The following MUC22 variants were observed in gnomAD, a reference collection of about 807,000 sequenced individuals.
MUC22 encodes mucin 22, also known as mucin-22.
A neutral mutation model predicts 40.3 loss-of-function variants in MUC22; 24 were observed. The observed-to-expected ratio is 0.60, with a 90% CI of 0.43 to 0.84. The LOEUF (loss-of-function observed/expected upper bound fraction) is 0.84, where lower values mean the gene tolerates loss of function less well. MUC22 is among the 40% of genes least tolerant of loss of function. The pLI is 0.00. For synonymous variants in MUC22, 765 were observed against 844.5 expected, an observed-to-expected ratio of 0.91 and a Z score of 1.63; for missense variants, 1,926 against 2,130.7, an observed-to-expected ratio of 0.90 and a Z score of 1.89.
intron 1 of MUC22, among the ~76,000 whole-genome samples, chr6:31,024,876 T>A (rs1765147392): frequency 6.6e-6 from 1 of 151,804 alleles, no homozygotes; most frequent in African/African-American, 2.4e-5. Context: ...CTTCTTTTTT[T>A]TTTTTTTTTT....
intron 3 of MUC22, 34 bp from the exon 4 acceptor site, chr6:31,034,638 T>C: frequency 6.7e-7 from 1 of 1,501,416 alleles, no homozygotes; most frequent in South Asian, 1.3e-5. Flanking sequence ...AGACTTAATT[T>C]TCATTTATCA....
At chr6:31,021,061 C>G (rs1365542057) in intron 1 of MUC22, among the ~76,000 whole-genome samples, 1 of 152,250 alleles carries the variant, frequency 6.6e-6, no homozygotes, top group Non-Finnish European at 1.5e-5. Flanking sequence ...GCCCCCTGCT[C>G]CAGGGCGCCC....
chr6:31,022,429 T>C (rs1006268015), intron 1 of MUC22, among the ~76,000 whole-genome samples: 2 of 152,036 alleles, frequency 1.3e-5, no homozygotes, highest in East Asian at 1.9e-4. Flanking sequence ...AATGCTGGGA[T>C]TACAGGCGTG....
At chr6:31,015,460 C>A (rs1159233105) in intron 1 of MUC22, among the ~76,000 whole-genome samples, 1 of 152,170 alleles carries the variant, frequency 6.6e-6, no homozygotes, top group Non-Finnish European at 1.5e-5. Flanking sequence ...TGTAGCCCTA[C>A]CTAGCTACAA....
At chr6:31,020,722 G>A (rs1208782833) in intron 1 of MUC22, among the ~76,000 whole-genome samples, 3 of 152,200 alleles carry the variant, frequency 2.0e-5, no homozygotes, top group Non-Finnish European at 4.4e-5. Context: ...AGGTGTGGAG[G>A]GAGAGGTGCG....
At chr6:31,021,094 C>A (rs115084280) in intron 1 of MUC22, among the ~76,000 whole-genome samples, 2 of 152,260 alleles carry the variant, frequency 1.3e-5, no homozygotes, top group African/African-American at 4.8e-5. Context: ...CGCCCACGGG[C>A]TGAGGACTGT....
intron 1 of MUC22, among the ~76,000 whole-genome samples, chr6:31,022,583 A>T (rs1269768669): frequency 6.6e-6 from 1 of 152,168 alleles, no homozygotes; most frequent in Non-Finnish European, 1.5e-5. Context: ...TTAAATTTTA[A>T]AAGATAATAT....
At chr6:31,018,940 C>T (rs888297570) in intron 1 of MUC22, among the ~76,000 whole-genome samples, 2 of 132,936 alleles carry the variant, frequency 1.5e-5, no homozygotes, top group Non-Finnish European at 3.3e-5. Flanking sequence ...CTTGGTCCAG[C>T]GCCCTATTCT....
upstream of MUC22, among the ~76,000 whole-genome samples, chr6:31,008,725 A>C (rs931698353): frequency 2.6e-5 from 4 of 151,384 alleles, no homozygotes; most frequent in Admixed American, 6.6e-5. Flanking sequence ...ATTTATTTTT[A>C]TTTTTATTTT....
upstream of MUC22, among the ~76,000 whole-genome samples, chr6:31,006,870 T>C (rs1581589060): frequency 6.6e-6 from 1 of 152,088 alleles, no homozygotes; most frequent in African/African-American, 2.4e-5. Flanking sequence ...TAATGGAAGC[T>C]AGGTGCAGTG....
chr6:31,010,114 A>G (rs969855755), upstream of MUC22, among the ~76,000 whole-genome samples: 1 of 151,924 alleles, frequency 6.6e-6, no homozygotes, highest in Non-Finnish European at 1.5e-5. Context: ...TTTACCATCC[A>G]TTTGTTTCCT....
intron 1 of MUC22, among the ~76,000 whole-genome samples, chr6:31,016,914 T>C (rs9262473): frequency 0.15 from 22,121 of 152,246 alleles, 1,773 homozygotes; most frequent in African/African-American, 0.19. Context: ...CCAGCACAGC[T>C]GGCCCCAGGC....
exon 2 of MUC22, chr6:31,026,153 C>T: frequency 1.3e-6 from 2 of 1,524,932 alleles, no homozygotes; most frequent in East Asian, 2.5e-5. Flanking sequence ...ACCACAACCT[C>T]AACTGCAGAC....
chr6:31,023,523 T>A (rs9262542), intron 1 of MUC22, among the ~76,000 whole-genome samples: 22,066 of 152,086 alleles, frequency 0.15, 1,758 homozygotes, highest in African/African-American at 0.19. Context: ...ATAGCCTGAG[T>A]GACAGAGCAA....
chr6:31,027,202 G>T (rs539325662), exon 2 of MUC22: 1 of 1,497,826 alleles, frequency 6.7e-7, no homozygotes, highest in East Asian at 2.5e-5. Context: ...AGCCTCTACC[G>T]TAGGCTCTGA....
intron 1 of MUC22, among the ~76,000 whole-genome samples, chr6:31,020,204 C>T (rs73727160): frequency 6.6e-6 from 1 of 151,768 alleles, no homozygotes; most frequent in Non-Finnish European, 1.5e-5. Flanking sequence ...AAGGGAAATC[C>T]TAGAATGAGC....
intron 1 of MUC22, among the ~76,000 whole-genome samples, chr6:31,018,901 C>T (rs1428277357): frequency 6.6e-6 from 1 of 152,232 alleles, no homozygotes; most frequent in African/African-American, 2.4e-5. Context: ...TGCGTCTCCT[C>T]CTCTATCTGA....
intron 1 of MUC22, among the ~76,000 whole-genome samples, chr6:31,020,565 C>A (rs1465671447): frequency 6.6e-6 from 1 of 151,508 alleles, no homozygotes; most frequent in Admixed American, 6.6e-5. Context: ...TGCTGGCAGT[C>A]CTCAGAGCCC....
chr6:31,020,802 C>T (rs1332069531), intron 1 of MUC22, among the ~76,000 whole-genome samples: 1 of 111,460 alleles, frequency 9.0e-6, no homozygotes, highest in African/African-American at 3.7e-5. Flanking sequence ...GGCTTGGCGG[C>T]CCCGCACTCG....
Sources: gnomAD v4.1 joint callset for allele counts (sites outside exome capture counted in the v4.1 genomes callset) on GRCh38, gnomAD v4.1.1 for gene constraint, MANE v1.5 for transcripts, NCBI Gene and HGNC (gene_info 2026-07-23, HGNC 2026-07-21) for gene names.